Variants in ERI3 observed in about 807,000 individuals in gnomAD.
ERI3 encodes the protein ERI1 exoribonuclease 3.
A neutral mutation model predicts 44.4 loss-of-function variants in ERI3; 18 were observed. That is an observed-to-expected ratio of 0.41 (90% CI 0.28 to 0.60). ERI3 has a LOEUF of 0.60. Among genes scored for constraint, ERI3 ranks in the 20% least tolerant of loss-of-function variants. The pLI, the probability that ERI3 is intolerant of heterozygous loss-of-function variation, is 0.36. For missense variants in ERI3, 294 were observed against 435.5 expected (o/e 0.68, Z 2.89); for synonymous variants, 183 against 164.8 (o/e 1.11, Z -0.84).
chr1:44,251,143 CCTGCCAACATATGGT>C (rs1210108098), intron 7 of ERI3, among the ~76,000 whole-genome samples: 2 of 152,246 alleles, frequency 1.3e-5, no homozygotes, highest in African/African-American at 2.4e-5. Context: ...AACCTGTGCT[CCTGCCAACATATGGT>C]CTGCCAACAT....
At chr1:44,273,316 C>T (rs1317547023) in intron 7 of ERI3, among the ~76,000 whole-genome samples, 3 of 152,224 alleles carry the variant, frequency 2.0e-5, no homozygotes, top group Non-Finnish European at 4.4e-5. Flanking sequence ...CGTACCTTAA[C>T]CTCTAATTCC....
At chr1:44,333,192 T>G (rs1378821930) in intron 3 of ERI3, among the ~76,000 whole-genome samples, 1 of 152,264 alleles carries the variant, frequency 6.6e-6, no homozygotes, top group Non-Finnish European at 1.5e-5. Flanking sequence ...ACACGCCAGA[T>G]GAGGCTAAGT....
chr1:44,239,104 G>A lies in ERI3; in HGVS notation c.931+8835C>T, dbSNP rs189275442. 1.4e-4 allele frequency among the ~76,000 whole-genome samples: 21 copies of A among 151,502 alleles called. 1 individual carries two copies. The East Asian group carries it at 4.1e-3, about 30-fold the overall frequency. ...TCTAGGCTTATTTCCTAGGGTGGGA[G>A]ACTGGAAGGGGCCTGGTAACCCCCA... On this transcript the variant is annotated intron_variant, in intron 8 of 8. Transcript: ENST00000372257.
chr1:44,265,028 T>C (rs954052125), intron 7 of ERI3, among the ~76,000 whole-genome samples: 6 of 152,142 alleles, frequency 3.9e-5, no homozygotes, highest in Non-Finnish European at 8.8e-5. Flanking sequence ...TCCAGAGCTA[T>C]CATAAAGCCA....
rs796758098 is a variant in ERI3, at chr1:44,259,916, TAGATAGAC to T, written c.832-11886_832-11879del. ...ATAGATAGATAGATAGATAGATAGA[TAGATAGAC>T]AGACAGACAGACAGACAGACAGACA... On this transcript the variant is annotated intron_variant, in intron 7 of 8. Transcript: ENST00000372257. Among the ~76,000 whole-genome samples, 849 of 141,356 alleles carry T rather than the reference TAGATAGAC, an allele frequency of 6.0e-3. 5 individuals are homozygous for T. Among genetic ancestry groups the T allele is most frequent in the African/African-American group, 0.018 (623 of 34,842 alleles). 92.7% of individuals were successfully genotyped at this position (141,356 alleles called of 152,430 possible).
chr1:44,276,081 G>A (rs1011208855), intron 7 of ERI3, among the ~76,000 whole-genome samples: 1 of 152,206 alleles, frequency 6.6e-6, no homozygotes, highest in Non-Finnish European at 1.5e-5. Context: ...GGAAGTGCCA[G>A]GCTGTTTTTA....
rs879083353 is a variant in ERI3 at position 44,355,240 on chromosome 1, T to C, written c.-214A>G. 52 of 1,177,660 alleles carry C rather than the reference T, an allele frequency of 4.4e-5. No homozygotes were observed. The highest frequency in any genetic ancestry group is 1.4e-4 in the Admixed American group (3 of 21,852). The allele number at this position is 1,177,660 out of a possible 1,614,324, so 73.0% of individuals were successfully genotyped here. A position where few individuals can be genotyped will look rare whatever the true frequency, so the allele number is the denominator to read the frequency against. ...GAACAGCGGCAGCCAGCACCACGAG[T>C]CCACAACACACCGACTCACCTCCGC... is the stretch of plus-strand genomic sequence containing the variant. On this transcript the variant is annotated 5_prime_UTR_variant, in exon 1 of 9. Transcript: ENST00000372257.
At chr1:44,238,327 C>T (rs542236961) in intron 8 of ERI3, among the ~76,000 whole-genome samples, 2 of 152,072 alleles carry the variant, frequency 1.3e-5, no homozygotes, top group South Asian at 2.1e-4. Flanking sequence ...GGGGCTCCCC[C>T]CTGCGGCAGC....
intron 4 of ERI3, among the ~76,000 whole-genome samples, chr1:44,314,618 A>C (rs1368768851): frequency 6.6e-6 from 1 of 152,088 alleles, no homozygotes; most frequent in Non-Finnish European, 1.5e-5. Flanking sequence ...CAGTAGAGGG[A>C]GGGCCTGAGT....
intron 7 of ERI3, among the ~76,000 whole-genome samples, chr1:44,253,627 C>G (rs1644725890): frequency 6.6e-6 from 1 of 152,220 alleles, no homozygotes; most frequent in South Asian, 2.1e-4. Context: ...CATCCCTGCC[C>G]TTCAACACTA....
chr1:44,267,561 G>T (rs537564342), intron 7 of ERI3, among the ~76,000 whole-genome samples: 2 of 152,334 alleles, frequency 1.3e-5, no homozygotes, highest in East Asian at 1.9e-4. Context: ...CAATCACAGC[G>T]CAATAAAGGC....
intron 8 of ERI3, among the ~76,000 whole-genome samples, chr1:44,236,676 G>A (rs976894680): frequency 4.6e-5 from 7 of 152,106 alleles, no homozygotes; most frequent in African/African-American, 1.7e-4. Context: ...GGAGCAGGAG[G>A]AGAGTGGCTT....
At chr1:44,272,096 G>A (rs1055724449) in intron 7 of ERI3, among the ~76,000 whole-genome samples, 1 of 152,132 alleles carries the variant, frequency 6.6e-6, no homozygotes, top group African/African-American at 2.4e-5. Context: ...GACAAGCGAA[G>A]GGCAGGGGCA....
intron 8 of ERI3, among the ~76,000 whole-genome samples, chr1:44,224,806 G>A (rs953885755): frequency 4.6e-5 from 7 of 152,108 alleles, no homozygotes; most frequent in Non-Finnish European, 1.0e-4. Flanking sequence ...GTTGCAACTG[G>A]CCCACTACAA....
intron 8 of ERI3, among the ~76,000 whole-genome samples, chr1:44,223,311 G>C (rs566624993): frequency 1.2e-4 from 19 of 152,262 alleles, no homozygotes; most frequent in African/African-American, 4.3e-4. Context: ...TATGCTTTGG[G>C]GGTAGTGGGT....
chr1:44,259,362 T>C (rs1423770028), intron 7 of ERI3, among the ~76,000 whole-genome samples: 1 of 151,850 alleles, frequency 6.6e-6, no homozygotes, highest in Admixed American at 6.6e-5. Context: ...CTGGAAGGAA[T>C]CAAATCAACG....
intron 8 of ERI3, chr1:44,230,370 A>C (rs1644151831): frequency 6.6e-6 from 1 of 152,186 alleles, no homozygotes; most frequent in Non-Finnish European, 1.5e-5. Context: ...TAGCCAGATC[A>C]CCTACAGCCA....
intron 6 of ERI3, among the ~76,000 whole-genome samples, chr1:44,306,755 AAG>A (rs1439339633): frequency 3.3e-5 from 5 of 152,240 alleles, no homozygotes; most frequent in African/African-American, 1.2e-4. Flanking sequence ...GAAGACGCCA[AAG>A]AGAGAACAAC....
chr1:44,310,958 C>T (rs1196029452), intron 5 of ERI3, among the ~76,000 whole-genome samples: 3 of 79,434 alleles, frequency 3.8e-5, no homozygotes, highest in African/African-American at 1.6e-4. Context: ...ACATCGCGCG[C>T]GCGCGCACAC....
Sources: allele counts gnomAD v4.1 joint callset (sites outside exome capture counted in the v4.1 genomes callset), GRCh38; gene constraint gnomAD v4.1.1; transcripts MANE v1.5; gene names NCBI Gene and HGNC (gene_info 2026-07-23, HGNC 2026-07-21).